The following FNBP4 variants were observed in gnomAD, a reference collection of about 807,000 sequenced individuals.
The protein encoded by FNBP4 is formin binding protein 4.
Under a neutral mutation model 119.3 loss-of-function variants are expected in FNBP4, and 34 were observed. The observed-to-expected ratio is 0.28, with a 90% CI of 0.22 to 0.38. The LOEUF (loss-of-function observed/expected upper bound fraction) is 0.38, where lower values mean the gene tolerates loss of function less well. FNBP4 is among the 10% of genes least tolerant of loss of function. FNBP4 has a pLI of 1.00. For synonymous variants in FNBP4, 462 were observed against 430.6 expected (o/e 1.07, Z -0.90); for missense variants, 1,112 against 1,228.9 (o/e 0.90, Z 1.42).
In FNBP4 at chr11:47,760,598, AT is replaced by A. The variant is rs1417905936; in HGVS notation, c.313+4671del. On this transcript the variant is annotated intron_variant, in intron 2 of 16. Transcript: ENST00000263773. ...AGGAGTGCACCACCAACCACAGGTAATTTTTTTGTATTTCTAGTAGAGATGG... is the reference window on the plus strand; with the variant it reads ...AGGAGTGCACCACCAACCACAGGTAATTTTTTGTATTTCTAGTAGAGATGG... Among the ~76,000 whole-genome samples the A allele has an allele frequency of 7.2e-5, 11 of 151,970 alleles. No individual in the cohort carries two copies. The East Asian group carries it at 2.1e-3, about 29-fold the overall frequency.
At chr11:47,739,514 A>T (rs1345210880) in intron 8 of FNBP4, among the ~76,000 whole-genome samples, 4 of 152,202 alleles carry the variant, frequency 2.6e-5, no homozygotes, top group Non-Finnish European at 5.9e-5. Flanking sequence ...TTGACCTGGC[A>T]ATATACCACT....
chr11:47,740,893 T>TG (rs2097581077), intron 8 of FNBP4, among the ~76,000 whole-genome samples: 1 of 150,358 alleles, frequency 6.7e-6, no homozygotes, highest in Non-Finnish European at 1.5e-5. Flanking sequence ...CCCAGCCACA[T>TG]TTTTTTTGTG....
intron 10 of FNBP4, among the ~76,000 whole-genome samples, chr11:47,733,585 C>T (rs986561774): frequency 9.9e-5 from 15 of 152,194 alleles, no homozygotes; most frequent in East Asian, 3.9e-4. Flanking sequence ...CTACCTGCCC[C>T]GGCCTCCCAA....
chr11:47,717,217 G>T lies in FNBP4; in HGVS notation c.*205C>A. 1 of 522,400 alleles carries T rather than the reference G, an allele frequency of 1.9e-6. No individual in the cohort carries two copies. The highest frequency in any genetic ancestry group is 3.4e-6 in the Non-Finnish European group (1 of 295,424). 32.4% of individuals were successfully genotyped at this position (522,400 alleles called of 1,614,324 possible). A position where few individuals can be genotyped will look rare whatever the true frequency, so the allele number is the denominator to read the frequency against. On this transcript the variant is annotated 3_prime_UTR_variant, in exon 17 of 17. Coordinates refer to ENST00000263773, the MANE Select transcript of FNBP4 (RefSeq NM_015308.5). The stretch of plus-strand genomic sequence containing the variant: ...TGAGAATAAAGGCAGCATGGTCAAA[G>T]CAATTCCAATCACCTCATCCCTTTG...
At chr11:47,745,142 G>A (rs1313655028) in intron 7 of FNBP4, among the ~76,000 whole-genome samples, 1 of 152,066 alleles carries the variant, frequency 6.6e-6, no homozygotes, top group Admixed American at 6.6e-5. Context: ...ATTGTAAAAC[G>A]TGTTTGAACA....
intron 12 of FNBP4, chr11:47,726,407 AT>A (rs5791786): frequency 0.015 from 1,995 of 135,652 alleles, 29 homozygotes; most frequent in African/African-American, 0.039. Context: ...CTAATTTTTA[AT>A]TTTTTTTTTT....
At position 47,732,075 on chromosome 11, in the gene FNBP4, A is replaced by G. The variant is rs2097568122; in HGVS notation, c.1820+462T>C. 1 of 992,730 alleles carries G rather than the reference A, an allele frequency of 1.0e-6. No individual in the cohort carries two copies. The highest frequency in any genetic ancestry group is 1.2e-6 in the Non-Finnish European group (1 of 834,984). 61.5% of individuals were successfully genotyped at this position (992,730 alleles called of 1,614,324 possible). On this transcript the variant is annotated intron_variant, in intron 11 of 16. Transcript: ENST00000263773. The surrounding 1 kb of genome is among the most constrained non-coding windows in gnomAD (Gnocchi z 4.2). ...AAAGATTTCAAATAACGAAAAAAAA[A>G]TCAAGAAAAGCCAAATATATAAAGA...
At position 47,767,235 on chromosome 11, in the gene FNBP4, A is replaced by G; in HGVS notation, c.54T>C (p.Ser18=). 1 of 1,568,690 alleles carries G rather than the reference A, an allele frequency of 6.4e-7. No individual in the cohort carries two copies. The highest frequency in any genetic ancestry group is 8.6e-7 in the Non-Finnish European group (1 of 1,164,624). The part of the protein sequence containing the change: ...VPGRRPILQL[S]PPGPRGSTPG... Reference sequence around the variant, plus strand: ...GCGTGCTGCCCCGAGGACCCGGCGGAGAGAGTTGCAGGATGGGCCTACGGC... The same window carrying G: ...GCGTGCTGCCCCGAGGACCCGGCGGGGAGAGTTGCAGGATGGGCCTACGGC... Residue 18 remains serine (S), a synonymous_variant, in exon 1 of 17, where the codon TCT becomes TCC. Coordinates refer to ENST00000263773, the MANE Select transcript of FNBP4 (RefSeq NM_015308.5).
At chr11:47,751,518 A>G (rs1019448920) in intron 4 of FNBP4, among the ~76,000 whole-genome samples, 1 of 151,846 alleles carries the variant, frequency 6.6e-6, no homozygotes, top group Non-Finnish European at 1.5e-5. Flanking sequence ...CTACATTGTG[A>G]CAATAAAAAA....
At chr11:47,753,796 G>T (rs770678940) in intron 3 of FNBP4, among the ~76,000 whole-genome samples, 1 of 151,590 alleles carries the variant, frequency 6.6e-6, no homozygotes, top group Non-Finnish European at 1.5e-5. Flanking sequence ...CCAGTCTCGA[G>T]GGAGAAAAAA....
chr11:47,731,771 A>G, intron 11 of FNBP4: 1 of 1,334,708 alleles, frequency 7.5e-7, no homozygotes, highest in Non-Finnish European at 9.5e-7. Context: ...AACTCTGTGA[A>G]TACAGCCCTG....
At chr11:47,747,645 T>C (rs1235452822) in intron 6 of FNBP4, among the ~76,000 whole-genome samples, 1 of 152,096 alleles carries the variant, frequency 6.6e-6, no homozygotes, top group African/African-American at 2.4e-5. Context: ...GAAGGTGATT[T>C]AGACTAAAGT....
In FNBP4 at chr11:47,732,529, G is replaced by A; in HGVS notation, c.1820+8C>T. ...GGTGAAAGGTGAAAAGGGGAGAAGA[G>A]TGCGTACCTGTCCCAGTGGCAGGAC... On this transcript the variant is annotated splice_region_variant and intron_variant, in intron 11 of 16. Transcript: ENST00000263773. The surrounding 1 kb of genome is among the most constrained non-coding windows in gnomAD (Gnocchi z 4.2). The A allele has an allele frequency of 2.5e-6, 4 of 1,614,130 alleles. No homozygotes were observed. The highest frequency in any genetic ancestry group is 3.4e-6 in the Non-Finnish European group (4 of 1,180,014).
In FNBP4 at chr11:47,743,936, T is replaced by C. The variant is rs1340886543; in HGVS notation, c.1456+17A>G. 4.3e-6 allele frequency: 7 copies of C among 1,609,680 alleles called. No homozygotes were observed. The highest frequency in any genetic ancestry group is 3.3e-5 in the Admixed American group (2 of 59,958). On this transcript the variant is annotated intron_variant, in intron 8 of 16. Coordinates refer to ENST00000263773, the MANE Select transcript of FNBP4 (RefSeq NM_015308.5). ...TATATCTTTCAACTCTGAAGTTTAATGTGAAGCACAAATTACCAGTTTCTC... is the reference window on the plus strand; with the variant it reads ...TATATCTTTCAACTCTGAAGTTTAACGTGAAGCACAAATTACCAGTTTCTC...
At chr11:47,717,749 TTTA>T (rs905686449) in intron 16 of FNBP4, among the ~76,000 whole-genome samples, 21 of 152,166 alleles carry the variant, frequency 1.4e-4, no homozygotes, top group Non-Finnish European at 4.4e-5. Flanking sequence ...TATTTATTTA[TTTA>T]TTATTGACTG....
At chr11:47,726,318 C>T (rs2097560853) in intron 12 of FNBP4, 1 of 152,020 alleles carries the variant, frequency 6.6e-6, no homozygotes, top group Non-Finnish European at 1.5e-5. Context: ...TCATTCTAAC[C>T]TCAAACACTT....
chr11:47,724,129 C>T lies in FNBP4; in HGVS notation c.2363G>A (p.Gly788Glu), dbSNP rs1427099461. ...STISSSSSTKGIKRKATEIST... is the reference protein window; with the variant it reads ...STISSSSSTKEIKRKATEIST... The stretch of plus-strand genomic sequence containing the variant: ...AATTTCTGTAGCTTTCCTCTTTATT[C>T]CTTTAGTGGAAGAAGAACTAGAGAT... The change falls in exon 14 of 17, where the codon GGA becomes GAA. Residue 788 changes from glycine to glutamate, a missense_variant. Gly to Glu is a moderately conservative substitution (Grantham distance 98). This residue lies in a region of FNBP4 where 826 missense variants were observed against 988.8 expected (regional missense o/e 0.84). Transcript: ENST00000263773. 4 of 1,614,142 alleles carry T rather than the reference C, an allele frequency of 2.5e-6. No individual in the cohort carries two copies. Among genetic ancestry groups the T allele is most frequent in the African/African-American group, 1.3e-5 (1 of 75,044 alleles).
At chr11:47,766,508 T>C (rs1045153818) in intron 1 of FNBP4, among the ~76,000 whole-genome samples, 15 of 152,148 alleles carry the variant, frequency 9.9e-5, no homozygotes, top group African/African-American at 3.6e-4. Context: ...CTCCGGCGCC[T>C]AGTCCTGGAG....
intron 12 of FNBP4, chr11:47,725,289 T>C (rs2097559803): frequency 6.6e-6 from 1 of 152,310 alleles, no homozygotes; most frequent in Admixed American, 6.5e-5. Flanking sequence ...ACACATACTT[T>C]ATTTTTTAGT....
Sources: gnomAD v4.1 joint callset for allele counts (sites outside exome capture counted in the v4.1 genomes callset) on GRCh38, gnomAD v4.1.1 for gene constraint, gnomAD v4.1.1 regional missense constraint, Gnocchi (gnomAD v3.1) non-coding constraint, MANE v1.5 for transcripts, NCBI Gene and HGNC (gene_info 2026-07-23, HGNC 2026-07-21) for gene names.